Variants in DCAF6 observed in about 807,000 individuals in gnomAD.
DCAF6 encodes DDB1- and CUL4-associated factor 6.
DCAF6 carries 54 observed loss-of-function variants against 125.1 expected under a neutral mutation model. That is an observed-to-expected ratio of 0.43 (90% confidence interval 0.35 to 0.54). The LOEUF (loss-of-function observed/expected upper bound fraction) is 0.54, where lower values mean the gene tolerates loss of function less well. Among genes scored for constraint, DCAF6 ranks in the 20% least tolerant of loss-of-function variants. DCAF6 has a pLI of 0.01. For missense variants in DCAF6, 934 were observed against 1,161.7 expected (o/e 0.80, Z 2.85); for synonymous variants, 371 against 390.4 (o/e 0.95, Z 0.58).
the DCAF6 span, chr1:167,916,701 T>G: frequency 6.6e-6 from 1 of 152,186 alleles, no homozygotes; most frequent in African/African-American, 2.4e-5. Flanking sequence ...AGAAGAGGTT[T>G]TAATGAAAAG....
At chr1:168,056,813 C>G (rs1180654814) in intron 17 of DCAF6, among the ~76,000 whole-genome samples, 1 of 152,314 alleles carries the variant, frequency 6.6e-6, no homozygotes, top group African/African-American at 2.4e-5. Context: ...TAGAAATGCT[C>G]TGCTTCTGGA....
chr1:168,035,543 C>T (rs1329521109), intron 12 of DCAF6, among the ~76,000 whole-genome samples: 2 of 152,092 alleles, frequency 1.3e-5, no homozygotes, highest in African/African-American at 4.8e-5. Flanking sequence ...TAAGTGTAGG[C>T]TACGAGGAAA....
intron 11 of DCAF6, among the ~76,000 whole-genome samples, chr1:168,016,323 CTCT>C (rs755416171): frequency 2.6e-5 from 4 of 151,962 alleles, no homozygotes; most frequent in East Asian, 3.9e-4. Flanking sequence ...TGGCTCCTAG[CTCT>C]TCTTCTTCTT....
rs536202531 is a variant in DCAF6, at chr1:168,047,430, C to T, written c.2258+2203C>T. On this transcript the variant is annotated intron_variant, in intron 16 of 21. Coordinates refer to ENST00000367840, the MANE Select transcript of DCAF6 (RefSeq NM_001198956.2). ...TTCATGGTTAAATCCAGATTTGAAA[C>T]CACTCTGGGATCACATTTAGTTCCC... Among the ~76,000 whole-genome samples, 20 of 152,126 alleles carry T rather than the reference C, an allele frequency of 1.3e-4. No homozygotes were observed. In the Middle Eastern group the frequency reaches 0.01, roughly 78 times the overall value.
At chr1:167,895,054 C>G in the DCAF6 span, among the ~76,000 whole-genome samples, 2 of 151,876 alleles carry the variant, frequency 1.3e-5, no homozygotes, top group Non-Finnish European at 2.9e-5. Context: ...TGGTGGCACG[C>G]CTCTGTATTC....
At chr1:167,921,058 T>C in the DCAF6 span, among the ~76,000 whole-genome samples, 1 of 152,166 alleles carries the variant, frequency 6.6e-6, no homozygotes, top group African/African-American at 2.4e-5. Context: ...TCCTTTGATG[T>C]TTTCTGCCAA....
intron 5 of DCAF6, among the ~76,000 whole-genome samples, chr1:167,990,332 T>TA (rs141598071): frequency 0.039 from 5,881 of 152,074 alleles, 153 homozygotes; most frequent in Middle Eastern, 0.099. Flanking sequence ...CACACCACTG[T>TA]AAGCCTGGGC....
At chr1:168,016,104 T>A (rs1285247376) in intron 11 of DCAF6, among the ~76,000 whole-genome samples, 153 bp downstream of exon 11, 1 of 152,102 alleles carries the variant, frequency 6.6e-6, no homozygotes, top group Non-Finnish European at 1.5e-5. Context: ...GTATTCAACA[T>A]CACGTGTTAG....
chr1:167,993,999 A>G (rs908112865), intron 7 of DCAF6, among the ~76,000 whole-genome samples: 1 of 152,198 alleles, frequency 6.6e-6, no homozygotes, highest in African/African-American at 2.4e-5. Flanking sequence ...TACTAATTAT[A>G]GTTAGTAATT....
At chr1:168,004,854 G>T in intron 10 of DCAF6, 61 bp downstream of exon 10, 5 of 1,549,320 alleles carry the variant, frequency 3.2e-6, no homozygotes, top group Non-Finnish European at 4.4e-6. Context: ...TTCTTTACTG[G>T]CTATTTTGAA....
chr1:168,068,046 T>A (rs1692568885), intron 20 of DCAF6, among the ~76,000 whole-genome samples: 2 of 152,230 alleles, frequency 1.3e-5, no homozygotes, highest in African/African-American at 4.8e-5. Flanking sequence ...GCCAACAAAG[T>A]AAATGGCTCT....
chr1:167,904,853 T>G, the DCAF6 span: 1 of 1,093,588 alleles, frequency 9.1e-7, no homozygotes, highest in Non-Finnish European at 1.4e-6. Flanking sequence ...CTCCCTCTTG[T>G]GTTCTCAGTG....
intron 13 of DCAF6, among the ~76,000 whole-genome samples, chr1:168,039,603 A>G (rs1688239914): frequency 6.8e-6 from 1 of 147,860 alleles, no homozygotes; most frequent in African/African-American, 2.5e-5. Flanking sequence ...ATATAGTTGT[A>G]TAATATTTGT....
At chr1:168,030,253 C>A (rs1411540631) in intron 12 of DCAF6, among the ~76,000 whole-genome samples, 1 of 152,154 alleles carries the variant, frequency 6.6e-6, no homozygotes, top group Non-Finnish European at 1.5e-5. Flanking sequence ...GAGGAAGAGA[C>A]ATTAAGCTGA....
At chr1:167,985,209 G>GT (rs1364791045) in intron 4 of DCAF6, among the ~76,000 whole-genome samples, 2 of 146,300 alleles carry the variant, frequency 1.4e-5, no homozygotes, top group South Asian at 4.3e-4. Context: ...GTGTGTGTGT[G>GT]TGGTGTGTGT....
chr1:167,913,846 A>C, the DCAF6 span: 1 of 152,240 alleles, frequency 6.6e-6, no homozygotes, highest in East Asian at 1.9e-4. Context: ...AGAGGTATAC[A>C]CAAACTTGAA....
chr1:167,968,636 G>A (rs1017361182), intron 3 of DCAF6: 2 of 152,496 alleles, frequency 1.3e-5, no homozygotes, highest in Non-Finnish European at 2.9e-5. Flanking sequence ...GAAACTGCAG[G>A]ACTCTGGTGC....
At chr1:168,063,937 T>A (rs1427798816) in intron 18 of DCAF6, 178 bp downstream of exon 18, 5 of 520,890 alleles carry the variant, frequency 9.6e-6, no homozygotes, top group Non-Finnish European at 1.5e-5. Flanking sequence ...TGAAAGATCA[T>A]TATTTTTTAC....
chr1:167,958,495 A>G (rs562107808), intron 2 of DCAF6, among the ~76,000 whole-genome samples: 20 of 152,022 alleles, frequency 1.3e-4, no homozygotes, highest in African/African-American at 4.6e-4. Flanking sequence ...CATTACATTG[A>G]TCTGTATGTG....
Sources: gnomAD v4.1 joint callset for allele counts (sites outside exome capture counted in the v4.1 genomes callset) on GRCh38, gnomAD v4.1.1 for gene constraint, MANE v1.5 for transcripts, NCBI Gene and HGNC (gene_info 2026-07-23, HGNC 2026-07-21) for gene names.